Variants in CAMK2G observed in about 807,000 individuals in gnomAD.
CAMK2G encodes calcium/calmodulin-dependent protein kinase type II subunit gamma.
A neutral mutation model predicts 88.7 loss-of-function variants in CAMK2G; 23 were observed. The observed-to-expected ratio is 0.26, with a 90% CI of 0.19 to 0.37. The LOEUF is 0.37. CAMK2G is among the 10% of genes least tolerant of loss of function. The pLI, the probability that CAMK2G is intolerant of heterozygous loss-of-function variation, is 1.00. For synonymous variants in CAMK2G, 263 were observed against 294.8 expected (o/e 0.89, Z 1.11); for missense variants, 476 against 780.8 (o/e 0.61, Z 4.65).
At chr10:73,834,154 G>C (rs966552177) in intron 14 of CAMK2G, among the ~76,000 whole-genome samples, 2 of 151,842 alleles carry the variant, frequency 1.3e-5, no homozygotes, top group Admixed American at 6.6e-5. Context: ...TCCTGACCTC[G>C]TGATCCACCC....
At chr10:73,866,560 C>T (rs2095602509) in intron 2 of CAMK2G, among the ~76,000 whole-genome samples, 1 of 152,190 alleles carries the variant, frequency 6.6e-6, no homozygotes, top group East Asian at 1.9e-4. Context: ...ATGCACATTC[C>T]TACTCTGACT....
chr10:73,853,383 C>G (rs1294481475), intron 3 of CAMK2G, 137 bp from the exon 4 acceptor site: 6 of 738,546 alleles, frequency 8.1e-6, no homozygotes, highest in Non-Finnish European at 1.4e-5. Flanking sequence ...GGGGAAGTGG[C>G]GACGTGCCCA....
intron 17 of CAMK2G, 31 bp from the exon 18 acceptor site, chr10:73,821,761 G>A: frequency 2.5e-6 from 4 of 1,583,648 alleles, no homozygotes; most frequent in Non-Finnish European, 3.5e-6. Flanking sequence ...GTTTCTATAT[G>A]CTCCATCCCT....
chr10:73,820,145 C>T (rs1473905707), intron 18 of CAMK2G, among the ~76,000 whole-genome samples: 1 of 152,136 alleles, frequency 6.6e-6, no homozygotes, highest in East Asian at 1.9e-4. Context: ...CCAGCTCTGT[C>T]CTAGAGTGTT....
chr10:73,833,896 GC>G, intron 14 of CAMK2G, among the ~76,000 whole-genome samples: 1 of 132,094 alleles, frequency 7.6e-6, no homozygotes, highest in East Asian at 2.4e-4. Context: ...ACCACACCTA[GC>G]CTATCTACTG....
Position 73,825,305 on chromosome 10 carries a change from C to T in CAMK2G, c.1129G>A (p.Glu377Lys), listed in dbSNP as rs1217595308. ...ATGGCCGTCTGCAAGGGCGCGGGCT[C>T]TTGGGCTGGGCTTACGAGACTGTTT... is the stretch of plus-strand genomic sequence containing the variant. ...NKNSLVSPAQEPAPLQTAMEP... is the reference protein window; with the variant it reads ...NKNSLVSPAQKPAPLQTAMEP... Residue 377 changes from glutamate (E) to lysine (K), a missense_variant, in exon 16 of 23, where the codon GAG becomes AAG. This residue lies in a region of CAMK2G where 278 missense variants were observed against 366.5 expected (regional missense o/e 0.76). Transcript: ENST00000423381. 2 of 1,614,048 alleles carry T rather than the reference C, an allele frequency of 1.2e-6. No individual in the cohort carries two copies. The highest frequency in any genetic ancestry group is 3.3e-5 in the Admixed American group (2 of 60,030).
At chr10:73,845,243 A>T (rs2094140771) in intron 10 of CAMK2G, among the ~76,000 whole-genome samples, 1 of 152,168 alleles carries the variant, frequency 6.6e-6, no homozygotes, top group Non-Finnish European at 1.5e-5. Flanking sequence ...CCACCCACTG[A>T]ATGTGTCTGG....
At chr10:73,854,287 G>A (rs527960636) in intron 3 of CAMK2G, among the ~76,000 whole-genome samples, 15 of 152,324 alleles carry the variant, frequency 9.8e-5, no homozygotes, top group Admixed American at 9.1e-4. Context: ...GCTGGCAGGC[G>A]GAATCCCTCC....
At chr10:73,859,550 T>G (rs1362195667) in intron 3 of CAMK2G, among the ~76,000 whole-genome samples, 2 of 152,212 alleles carry the variant, frequency 1.3e-5, no homozygotes, top group African/African-American at 4.8e-5. Flanking sequence ...TGCGCTGTTT[T>G]CAGGTGAAGG....
At chr10:73,860,974 G>A in intron 2 of CAMK2G, 85 bp from the exon 3 acceptor site, 1 of 918,874 alleles carries the variant, frequency 1.1e-6, no homozygotes, top group Non-Finnish European at 1.8e-6. Flanking sequence ...TTCAGTTCAG[G>A]TACTAACTAT....
intron 21 of CAMK2G, chr10:73,816,814 T>C (rs1258618932): frequency 6.5e-7 from 1 of 1,533,714 alleles, no homozygotes; most frequent in Admixed American, 2.0e-5. Context: ...AGCTGCAGAA[T>C]GAATGGCACT....
At chr10:73,843,254 G>A (rs1330671702) in intron 10 of CAMK2G, among the ~76,000 whole-genome samples, 1 of 152,110 alleles carries the variant, frequency 6.6e-6, no homozygotes, top group East Asian at 1.9e-4. Context: ...AGTAGAGACA[G>A]GGTTGGCCAT....
intron 3 of CAMK2G, among the ~76,000 whole-genome samples, chr10:73,860,247 C>G (rs547680941): frequency 6.6e-6 from 1 of 152,192 alleles, no homozygotes; most frequent in African/African-American, 2.4e-5. Flanking sequence ...GTGCTCTTGT[C>G]CCCCCAGTCA....
intron 4 of CAMK2G, 100 bp from the exon 5 acceptor site, chr10:73,852,419 G>T: frequency 1.1e-6 from 1 of 917,706 alleles, no homozygotes; most frequent in Non-Finnish European, 1.8e-6. Context: ...ATGGCTTTCA[G>T]AGAAATCCCA....
intron 6 of CAMK2G, 26 bp downstream of exon 6, chr10:73,849,235 G>T (rs1357795844): frequency 6.2e-7 from 1 of 1,603,118 alleles, no homozygotes. Flanking sequence ...CATGAGCAGA[G>T]GCACGGAGGG....
Position 73,872,992 on chromosome 10 carries a change from G to A in CAMK2G, c.157C>T (p.Arg53Trp). The change falls in exon 2 of 23, where the codon CGG becomes TGG. Residue 53 changes from arginine to tryptophan, a missense_variant. Coordinates refer to ENST00000423381, the MANE Select transcript of CAMK2G (RefSeq NM_001367534.1). ...KIINTKKLSA[R>W]DHQKLEREAR... is the part of the protein sequence containing the mutation. ...GGTCAAGACAGGGAACACTCACCCC[G>A]GGCAGACAACTTCTTGGTATTGATG... 2 of 1,604,786 alleles carry A rather than the reference G, an allele frequency of 1.2e-6. No homozygotes were observed. Among genetic ancestry groups the A allele is most frequent in the Non-Finnish European group, 1.7e-6 (2 of 1,171,488 alleles).
Position 73,874,452 on chromosome 10 carries a change from T to C in CAMK2G, c.10A>G (p.Thr4Ala), listed in dbSNP as rs769565188. 6.6e-7 allele frequency: 1 copy of C among 1,518,182 alleles called. No homozygotes were observed. The highest frequency in any genetic ancestry group is 1.2e-5 in the South Asian group (1 of 82,654). The allele number at this position is 1,518,182 out of a possible 1,614,324, so 94.0% of individuals were successfully genotyped here. Residue 4 changes from threonine to alanine, a missense_variant, in exon 1 of 23, where the codon ACC becomes GCC. Around this residue, in one of 3 missense-constraint regions of CAMK2G, gnomAD observed 34 missense variants for 28.7 expected, o/e 1.19. Transcript: ENST00000423381. Reference protein sequence around the residue: MATTATCTRFTDDY... With the variant: MATAATCTRFTDDY... ...TCGGTGAAACGGGTGCAGGTGGCGG[T>C]GGTGGCCATGCTGGCGGGCGGGCGG...
At chr10:73,873,414 G>C in intron 1 of CAMK2G, 1 of 1,189,628 alleles carries the variant, frequency 8.4e-7, no homozygotes, top group South Asian at 2.1e-5. Context: ...ACAGCCCTGC[G>C]GTCCCGGCCA....
chr10:73,830,625 A>G (rs901365030), intron 14 of CAMK2G, among the ~76,000 whole-genome samples: 1 of 152,232 alleles, frequency 6.6e-6, no homozygotes, highest in Non-Finnish European at 1.5e-5. Context: ...TTTTAAAGAT[A>G]GGATGGCCAT....
Sources: gnomAD v4.1 joint callset for allele counts (sites outside exome capture counted in the v4.1 genomes callset) on GRCh38, gnomAD v4.1.1 for gene constraint, gnomAD v4.1.1 regional missense constraint, MANE v1.5 for transcripts, NCBI Gene and HGNC (gene_info 2026-07-23, HGNC 2026-07-21) for gene names.